The following XKR4 variants were observed in gnomAD, a reference collection of about 807,000 sequenced individuals.
XKR4 encodes XK-related protein 4.
In XKR4, 12 loss-of-function variants were observed where a neutral mutation model predicts 53.9. The ratio of observed to expected loss-of-function variants is 0.22; its 90% CI spans 0.14 to 0.36. The LOEUF is 0.36. XKR4 is among the 10% of genes least tolerant of loss of function. The pLI is 1.00. For missense variants in XKR4, 799 were observed against 859.5 expected (o/e 0.93, Z 0.88); for synonymous variants, 354 against 362.4 (o/e 0.98, Z 0.26).
chr8:55,176,916 C>T (rs148403842), intron 1 of XKR4, among the ~76,000 whole-genome samples: 173 of 152,164 alleles, frequency 1.1e-3, no homozygotes, highest in African/African-American at 4.0e-3. Flanking sequence ...CAAATGACCA[C>T]GAGGCAAATT....
intron 1 of XKR4, among the ~76,000 whole-genome samples, chr8:55,202,319 C>T (rs538862826): frequency 3.0e-4 from 46 of 152,284 alleles, no homozygotes; most frequent in East Asian, 1.5e-3. Context: ...GGATAACTAC[C>T]GAGGGAGGCT....
intron 1 of XKR4, among the ~76,000 whole-genome samples, chr8:55,293,636 T>A (rs1358501362): frequency 6.6e-6 from 1 of 152,174 alleles, no homozygotes; most frequent in Non-Finnish European, 1.5e-5. Context: ...TTAGTAAAAT[T>A]GCAGATATTC....
At chr8:55,220,676 C>A (rs1334516127) in intron 1 of XKR4, among the ~76,000 whole-genome samples, 1 of 152,160 alleles carries the variant, frequency 6.6e-6, no homozygotes, top group South Asian at 2.1e-4. Context: ...TCAAACCCAG[C>A]CAGTTTGGTT....
At chr8:55,510,498 CAGG>C (rs534564423) in intron 2 of XKR4, among the ~76,000 whole-genome samples, 1 of 152,018 alleles carries the variant, frequency 6.6e-6, no homozygotes, top group Non-Finnish European at 1.5e-5. Context: ...GAGGGGTTAC[CAGG>C]AGGACAGATA....
chr8:55,431,571 C>A (rs1367961931), intron 2 of XKR4, among the ~76,000 whole-genome samples: 1 of 152,098 alleles, frequency 6.6e-6, no homozygotes, highest in African/African-American at 2.4e-5. Flanking sequence ...ATGTATAAAC[C>A]TGTGTTTATG....
In XKR4 at chr8:55,532,881, C is replaced by T. The variant is rs1051109326; in HGVS notation, c.*8654C>T. The T allele has an allele frequency of 3.3e-5, 5 of 151,058 alleles. No homozygotes were observed. The highest frequency in any genetic ancestry group is 1.2e-4 in the African/African-American group (5 of 41,010). The allele number at this position is 151,058 out of a possible 1,614,324, so 9.4% of individuals were successfully genotyped here. A position where few individuals can be genotyped will look rare whatever the true frequency, so the allele number is the denominator to read the frequency against. ...ATATTTCCATCTACCAAATTGTTGA[C>T]CTTCTCCTCCTCTCCATTGCTTAAT... On this transcript the variant is annotated 3_prime_UTR_variant, in exon 3 of 3. Coordinates refer to ENST00000327381, the MANE Select transcript of XKR4 (RefSeq NM_052898.2).
chr8:55,465,020 A>T (rs1328742998), intron 2 of XKR4, among the ~76,000 whole-genome samples: 1 of 152,142 alleles, frequency 6.6e-6, no homozygotes, highest in Admixed American at 6.5e-5. Context: ...TTCCATGCTC[A>T]TGGGTAGGAA....
At chr8:55,300,327 A>C (rs552480989) in intron 1 of XKR4, among the ~76,000 whole-genome samples, 1 of 152,274 alleles carries the variant, frequency 6.6e-6, no homozygotes, top group South Asian at 2.1e-4. Context: ...GCTGAATCTG[A>C]GTGAAAATGA....
At chr8:55,361,323 GGGGAGAAGGAGGGA>G (rs1410186232) in intron 2 of XKR4, among the ~76,000 whole-genome samples, 1 of 152,102 alleles carries the variant, frequency 6.6e-6, no homozygotes, top group African/African-American at 2.4e-5. Context: ...AAAGTGGGAT[GGGGAGAAGGAGGGA>G]GGGAGACCCC....
chr8:55,133,946 A>G (rs574115232), intron 1 of XKR4, among the ~76,000 whole-genome samples: 4 of 152,366 alleles, frequency 2.6e-5, no homozygotes, highest in East Asian at 1.9e-4. Context: ...GAAAACGTCC[A>G]TAACAGCTAT....
chr8:55,281,678 A>C (rs1246742838), intron 1 of XKR4, among the ~76,000 whole-genome samples: 1 of 152,188 alleles, frequency 6.6e-6, no homozygotes, highest in Admixed American at 6.5e-5. Flanking sequence ...ACCCTGAGGG[A>C]AGTATCTTTT....
chr8:55,435,552 C>CT lies in XKR4; in HGVS notation c.1006+77686dup, dbSNP rs397973235. Among the ~76,000 whole-genome samples the CT allele has an allele frequency of 3.4e-3, 487 of 144,868 alleles. 1 individual carries two copies. The highest frequency in any genetic ancestry group is 0.011 in the African/African-American group (432 of 39,680). On this transcript the variant is annotated intron_variant, in intron 2 of 2. Coordinates refer to ENST00000327381, the MANE Select transcript of XKR4 (RefSeq NM_052898.2). ...TACAGCTAGACCTAATAGGCAACCT[C>CT]TTTTTTTTTTTATTTTTTTATTTTT...
At chr8:55,331,786 G>A (rs1264922069) in intron 1 of XKR4, among the ~76,000 whole-genome samples, 3 of 151,994 alleles carry the variant, frequency 2.0e-5, no homozygotes, top group Non-Finnish European at 4.4e-5. Context: ...TTTGGTTACT[G>A]TATGAATGAA....
At chr8:55,465,154 AC>A (rs1563358199) in intron 2 of XKR4, among the ~76,000 whole-genome samples, 1 of 152,156 alleles carries the variant, frequency 6.6e-6, no homozygotes, top group Non-Finnish European at 1.5e-5. Context: ...TTCATATGGA[AC>A]CAAAAAGAAG....
intron 1 of XKR4, among the ~76,000 whole-genome samples, chr8:55,114,359 C>T (rs1450134696): frequency 1.3e-5 from 2 of 152,118 alleles, no homozygotes; most frequent in African/African-American, 4.8e-5. Context: ...TGTCTGTTGG[C>T]TGCTTATATA....
chr8:55,252,230 A>G (rs1450385720), intron 1 of XKR4, among the ~76,000 whole-genome samples: 3 of 152,236 alleles, frequency 2.0e-5, no homozygotes, highest in African/African-American at 4.8e-5. Context: ...AAGCATAAGA[A>G]AAGCAAAATT....
intron 2 of XKR4, 128 bp from the exon 3 acceptor site, chr8:55,523,153 A>G (rs957421128): frequency 3.0e-5 from 26 of 859,324 alleles, no homozygotes; most frequent in African/African-American, 8.6e-5. Flanking sequence ...AAAAAAAAAA[A>G]AAAAAGAAAT....
chr8:55,377,127 G>A (rs1804163558), intron 2 of XKR4, among the ~76,000 whole-genome samples: 1 of 152,192 alleles, frequency 6.6e-6, no homozygotes, highest in Admixed American at 6.5e-5. Context: ...AAAGAAGTCT[G>A]CAGGTTGCCT....
At chr8:55,259,403 G>C (rs919721909) in intron 1 of XKR4, among the ~76,000 whole-genome samples, 2 of 152,222 alleles carry the variant, frequency 1.3e-5, no homozygotes, top group Non-Finnish European at 2.9e-5. Flanking sequence ...GATATGAGTT[G>C]ATTTCGTTCT....
Sources: gnomAD v4.1 joint callset for allele counts (sites outside exome capture counted in the v4.1 genomes callset) on GRCh38, gnomAD v4.1.1 for gene constraint, MANE v1.5 for transcripts, NCBI Gene and HGNC (gene_info 2026-07-23, HGNC 2026-07-21) for gene names.